The following WDR75 variants were observed in gnomAD, a reference collection of about 807,000 sequenced individuals.
WDR75 encodes WD repeat domain 75.
Under a neutral mutation model 106.1 loss-of-function variants are expected in WDR75, and 52 were observed. The observed-to-expected ratio is 0.49, with a 90% CI of 0.39 to 0.62. The LOEUF is 0.62. WDR75 is among the 20% of genes least tolerant of loss of function. WDR75 has a pLI of 0.00. For synonymous variants in WDR75, 333 were observed against 335.5 expected (o/e 0.99, Z 0.08); for missense variants, 905 against 970.3 (o/e 0.93, Z 0.89).
At chr2:189,457,656 G>T (rs1207237578) in intron 6 of WDR75, among the ~76,000 whole-genome samples, 2 of 152,208 alleles carry the variant, frequency 1.3e-5, no homozygotes, top group East Asian at 3.9e-4. Context: ...AGTTTGACAG[G>T]GTTTCACCAC....
At position 189,462,613 on chromosome 2, in the gene WDR75, A is replaced by T; in HGVS notation, c.908A>T (p.Asp303Val). ...IEHISVSPAGDLFCTSHSDNK... is the reference protein window; with the variant it reads ...IEHISVSPAGVLFCTSHSDNK... ...CATATCTCAGTCTCGCCTGCAGGAG[A>T]TTTATTCTGCACTTCTCACTCTGAT... The change falls in exon 9 of 21, where the codon GAT becomes GTT. Residue 303 changes from aspartate to valine, a missense_variant. Coordinates refer to ENST00000314761, the MANE Select transcript of WDR75 (RefSeq NM_032168.3). 1.9e-6 allele frequency: 3 copies of T among 1,613,868 alleles called. No individual in the cohort carries two copies. The highest frequency in any genetic ancestry group is 2.5e-6 in the Non-Finnish European group (3 of 1,179,900).
At position 189,467,572 on chromosome 2, in the gene WDR75, G is replaced by A; in HGVS notation, c.1552G>A (p.Glu518Lys). ...TGGTTCTTTACTAGCAGTTAGTTTT[G>A]AGGAAATAGTCACAATATGGGATTC... is the stretch of plus-strand genomic sequence containing the variant. ...EDGSLLAVSF[E>K]EIVTIWDSVT... Residue 518 changes from glutamate to lysine, a missense_variant, in exon 14 of 21, where the codon GAG (glutamate) becomes AAG (lysine). Glu to Lys is a moderately conservative substitution (Grantham distance 56). Transcript: ENST00000314761. 6.2e-7 allele frequency: 1 copy of A among 1,611,534 alleles called. No homozygotes were observed. The highest frequency in any genetic ancestry group is 8.5e-7 in the Non-Finnish European group (1 of 1,178,690).
In WDR75 at chr2:189,469,555, T is replaced by C. The variant is rs180895377; in HGVS notation, c.1819+116T>C. On this transcript the variant is annotated intron_variant, in intron 16 of 20. Coordinates refer to ENST00000314761, the MANE Select transcript of WDR75 (RefSeq NM_032168.3). Reference sequence around the variant, plus strand: ...GATGTTAATTGGAAGCCATTTTGCTTGAGGCACGGCCCTTCTTTGCCCCAA... The same window carrying C: ...GATGTTAATTGGAAGCCATTTTGCTCGAGGCACGGCCCTTCTTTGCCCCAA... The C allele has an allele frequency of 7.6e-4, 596 of 788,678 alleles. No homozygotes were observed. In the African/African-American group the frequency reaches 9.4e-3, roughly 12 times the overall value. The allele number at this position is 788,678 out of a possible 1,614,324, so 48.9% of individuals were successfully genotyped here. A position where few individuals can be genotyped will look rare whatever the true frequency, so the allele number is the denominator to read the frequency against.
chr2:189,448,120 G>A (rs1574187679), intron 1 of WDR75, among the ~76,000 whole-genome samples: 3 of 152,190 alleles, frequency 2.0e-5, no homozygotes, highest in Admixed American at 6.5e-5. Context: ...CCCCAGCCAC[G>A]TGGAACTGTG....
At chr2:189,464,505 GCA>G (rs1558987393) in intron 11 of WDR75, among the ~76,000 whole-genome samples, 1 of 152,012 alleles carries the variant, frequency 6.6e-6, no homozygotes, top group Non-Finnish European at 1.5e-5. Flanking sequence ...AAAAAAGGAA[GCA>G]TATTAATCAT....
intron 1 of WDR75, among the ~76,000 whole-genome samples, chr2:189,443,535 G>A (rs1227351596): frequency 3.3e-5 from 5 of 152,172 alleles, no homozygotes; most frequent in African/African-American, 1.2e-4. Flanking sequence ...CTTCAATAAT[G>A]TTAACCTGAA....
intron 2 of WDR75, chr2:189,449,244 G>C: frequency 1.5e-6 from 2 of 1,302,990 alleles, no homozygotes; most frequent in Non-Finnish European, 2.0e-6. Flanking sequence ...TCCTGGATTA[G>C]TCACAGCCAA....
chr2:189,465,386 C>A, intron 12 of WDR75, 132 bp downstream of exon 12: 25 of 916,030 alleles, frequency 2.7e-5, no homozygotes, highest in South Asian at 5.0e-5. Flanking sequence ...AGGTTTTATT[C>A]TAATAAAACC....
chr2:189,464,246 C>T, intron 11 of WDR75: 1 of 333,644 alleles, frequency 3.0e-6, no homozygotes, highest in Non-Finnish European at 5.4e-6. Context: ...TTTTGAGTCA[C>T]AAGGATAAAG....
In WDR75 at chr2:189,475,367, G is replaced by T; in HGVS notation, c.2443G>T (p.Glu815Ter). 1.2e-6 allele frequency: 2 copies of T among 1,612,384 alleles called. No homozygotes were observed. The highest frequency in any genetic ancestry group is 1.1e-5 in the South Asian group (1 of 90,634). The change falls in exon 21 of 21, where the codon GAA becomes TAA. Residue 815 changes from glutamate to a stop codon, truncating the protein, a stop_gained. Transcript: ENST00000314761. LOFTEE classifies it high-confidence loss of function. ...TCAGTTGTCAAAATCTGAAGAAAAA[G>T]AACTGAGAAAATTTAGGAAAATAGA... is the stretch of plus-strand genomic sequence containing the variant. ...IHQLSKSEEKELRKFRKIDYS... is the reference protein window; with the variant it reads ...IHQLSKSEEK
At chr2:189,442,238 A>G (rs1293719466) in intron 1 of WDR75, among the ~76,000 whole-genome samples, 1 of 152,018 alleles carries the variant, frequency 6.6e-6, no homozygotes, top group Non-Finnish European at 1.5e-5. Flanking sequence ...TATTGGGAGG[A>G]TTAAATGCCT....
At chr2:189,464,987 G>A (rs1686970675) in intron 11 of WDR75, 92 bp from the exon 12 acceptor site, 1 of 978,988 alleles carries the variant, frequency 1.0e-6, no homozygotes, top group African/African-American at 1.6e-5. Context: ...AAGTTGTCTT[G>A]GATGTAGTTA....
At chr2:189,460,533 C>T (rs1272989691) in intron 8 of WDR75, among the ~76,000 whole-genome samples, 2 of 150,608 alleles carry the variant, frequency 1.3e-5, no homozygotes, top group African/African-American at 2.4e-5. Context: ...TAGACAAGGT[C>T]TCACTTTGTT....
intron 1 of WDR75, among the ~76,000 whole-genome samples, chr2:189,442,612 G>A (rs537023055): frequency 1.1e-4 from 16 of 151,816 alleles, no homozygotes; most frequent in Admixed American, 7.9e-4. Flanking sequence ...CACCACGCCC[G>A]CTAATTTTTG....
intron 8 of WDR75, among the ~76,000 whole-genome samples, chr2:189,460,727 A>C (rs759199039): frequency 8.6e-5 from 13 of 151,470 alleles, no homozygotes. Context: ...CTGGTCTCAA[A>C]CTCCTGACCT....
Position 189,450,886 on chromosome 2 carries a change from T to TTTTG in WDR75, c.217-16_217-15insTTGT. The TTTTG allele has an allele frequency of 6.3e-7, 1 of 1,599,782 alleles. No homozygotes were observed. The highest frequency in any genetic ancestry group is 2.2e-5 in the East Asian group (1 of 44,486). ...TTCTTTTTTTTAAATCAATTTTGTATTGTTTTACCCTTTTAGCTGTATTCT... is the reference window on the plus strand; with the variant it reads ...TTCTTTTTTTTAAATCAATTTTGTATTTTGTGTTTTACCCTTTTAGCTGTATTCT... On this transcript the variant is annotated splice_polypyrimidine_tract_variant and intron_variant, in intron 2 of 20. Transcript: ENST00000314761.
intron 3 of WDR75, 130 bp from the exon 4 acceptor site, chr2:189,451,675 T>A: frequency 1.4e-6 from 1 of 704,766 alleles, no homozygotes; most frequent in Non-Finnish European, 2.4e-6. Context: ...TTGTCTTCTG[T>A]AGGCCAGGTA....
chr2:189,449,637 G>A, intron 2 of WDR75: 2 of 1,030,458 alleles, frequency 1.9e-6, no homozygotes, highest in Non-Finnish European at 2.3e-6. Context: ...TTGAGGTGCA[G>A]GGGCAGCAGT....
At chr2:189,448,154 A>T (rs1399122602) in intron 1 of WDR75, among the ~76,000 whole-genome samples, 2 of 152,096 alleles carry the variant, frequency 1.3e-5, no homozygotes, top group Non-Finnish European at 2.9e-5. Context: ...TCTTTCCTTT[A>T]TAAATTTGAA....
Sources: allele counts gnomAD v4.1 joint callset (sites outside exome capture counted in the v4.1 genomes callset), GRCh38; gene constraint gnomAD v4.1.1; transcripts MANE v1.5; gene names NCBI Gene and HGNC (gene_info 2026-07-23, HGNC 2026-07-21).